DENND1A: variants seen among roughly 807,000 people sequenced by gnomAD.
DENND1A encodes DENN domain-containing protein 1A.
A neutral mutation model predicts 113.7 loss-of-function variants in DENND1A; 51 were observed. The ratio of observed to expected loss-of-function variants is 0.45; its 90% CI spans 0.36 to 0.57. DENND1A has a LOEUF of 0.57. DENND1A is among the 20% of genes least tolerant of loss of function. DENND1A has a pLI of 0.00. For missense variants in DENND1A, 1,258 were observed against 1,395.9 expected (o/e 0.90, Z 1.57); for synonymous variants, 565 against 570.8 (o/e 0.99, Z 0.14).
chr9:123,903,676 C>T (rs532179112), intron 1 of DENND1A, among the ~76,000 whole-genome samples: 98 of 152,296 alleles, frequency 6.4e-4, no homozygotes, highest in Admixed American at 5.1e-3. Flanking sequence ...GCTTAAAAAA[C>T]GGCGCACCAC....
intron 5 of DENND1A, among the ~76,000 whole-genome samples, chr9:123,756,933 T>C (rs1464077331): frequency 1.3e-5 from 2 of 152,152 alleles, no homozygotes; most frequent in Admixed American, 6.5e-5. Context: ...CTGTTCCACA[T>C]GAGCAGAGAG....
intron 5 of DENND1A, among the ~76,000 whole-genome samples, chr9:123,728,399 CCCAGGA>C (rs2067870856): frequency 6.8e-6 from 1 of 146,456 alleles, no homozygotes; most frequent in African/African-American, 2.6e-5. Context: ...ACTGCTTGAA[CCCAGGA>C]GGCAGAGGTT....
chr9:123,401,867 G>A (rs771813359), intron 21 of DENND1A: 1 of 1,614,216 alleles, frequency 6.2e-7, no homozygotes, highest in Non-Finnish European at 8.5e-7. Context: ...AATGGGTAAT[G>A]CTTTTCTGTA....
chr9:123,424,798 G>T (rs2045587634), intron 19 of DENND1A, among the ~76,000 whole-genome samples: 1 of 152,274 alleles, frequency 6.6e-6, no homozygotes, highest in African/African-American at 2.4e-5. Context: ...TTAGAGGGCT[G>T]TTGAGAACAT....
At chr9:123,724,620 G>C (rs2067570945) in intron 5 of DENND1A, among the ~76,000 whole-genome samples, 2 of 152,106 alleles carry the variant, frequency 1.3e-5, no homozygotes, top group African/African-American at 4.8e-5. Context: ...TGGACTTGAG[G>C]TCTGAGCATC....
intron 21 of DENND1A, among the ~76,000 whole-genome samples, chr9:123,394,683 C>T (rs1019245458): frequency 1.2e-4 from 18 of 152,272 alleles, no homozygotes; most frequent in African/African-American, 1.9e-4. Context: ...AGCCCTTCCA[C>T]GACCACTGGC....
intron 2 of DENND1A, among the ~76,000 whole-genome samples, chr9:123,839,115 G>C (rs1364954973): frequency 2.0e-5 from 3 of 152,210 alleles, no homozygotes; most frequent in Non-Finnish European, 2.9e-5. Context: ...CAGACAAAAA[G>C]TGTCTGTTAA....
rs1169264278 is a variant in DENND1A, at chr9:123,659,273, A to G, written c.508-7150T>C. Among the ~76,000 whole-genome samples the G allele has an allele frequency of 2.6e-5, 4 of 152,350 alleles. No individual in the cohort carries two copies. The East Asian group carries it at 5.8e-4, about 22-fold the overall frequency. On this transcript the variant is annotated intron_variant, in intron 8 of 23. Transcript: ENST00000394215. Reference sequence around the variant, plus strand: ...TTATGTTCCTTAGAGGAGATAATCAATAAATATTTACAAACCATCTATATT... The same window carrying G: ...TTATGTTCCTTAGAGGAGATAATCAGTAAATATTTACAAACCATCTATATT...
chr9:123,710,099 G>A (rs2066481042), intron 5 of DENND1A, among the ~76,000 whole-genome samples: 1 of 152,160 alleles, frequency 6.6e-6, no homozygotes, highest in Admixed American at 6.5e-5. Context: ...CTCACATCAT[G>A]ATGACGTCCA....
chr9:123,563,129 T>C (rs996183022), intron 12 of DENND1A, among the ~76,000 whole-genome samples: 3 of 152,152 alleles, frequency 2.0e-5, no homozygotes, highest in Non-Finnish European at 2.9e-5. Context: ...TAGAATGCCA[T>C]TGCTAAGACA....
At position 123,381,695 on chromosome 9, in the gene DENND1A, T is replaced by C; in HGVS notation, c.2950A>G (p.Thr984Ala). 1 of 1,568,244 alleles carries C rather than the reference T, an allele frequency of 6.4e-7. No homozygotes were observed. Among genetic ancestry groups the C allele is most frequent in the South Asian group, 1.2e-5 (1 of 86,566 alleles). The change falls in exon 24 of 24, where the codon ACG (threonine) becomes GCG (alanine). Residue 984 changes from threonine (T) to alanine (A), a missense_variant. This residue lies in a region of DENND1A where 1,159 missense variants were observed against 1,231.7 expected (regional missense o/e 0.94). Transcript: ENST00000394215. The surrounding 1 kb of genome is among the most constrained non-coding windows in gnomAD (Gnocchi z 4.7). Reference sequence around the variant, plus strand: ...GCACTTGAGCGGGCCAGGGGCAACGTTCGGATCCTCGACGGGGCAACTGCT... The same window carrying C: ...GCACTTGAGCGGGCCAGGGGCAACGCTCGGATCCTCGACGGGGCAACTGCT... Reference protein sequence around the residue: ...PPAVAPSRIRTLPLARSSARA... With the variant: ...PPAVAPSRIRALPLARSSARA...
chr9:123,728,838 G>A (rs1053370818), intron 5 of DENND1A, among the ~76,000 whole-genome samples: 7 of 152,020 alleles, frequency 4.6e-5, no homozygotes, highest in African/African-American at 1.2e-4. Flanking sequence ...GGCCAATATC[G>A]CTGATGAACA....
chr9:123,583,592 G>T (rs1343985494), intron 11 of DENND1A, among the ~76,000 whole-genome samples: 2 of 152,150 alleles, frequency 1.3e-5, no homozygotes, highest in African/African-American at 4.8e-5. Flanking sequence ...ATATTTAACA[G>T]ACGCTGAGGT....
rs556901348 is a variant in DENND1A at position 123,616,573 on chromosome 9, A to G, written c.720-7092T>C. On this transcript the variant is annotated intron_variant, in intron 10 of 23. Transcript: ENST00000394215. ...ATGAAAAGAAATAGGAGCTAAGGGG[A>G]AAAAAAAAGGAAGCTGTGGCAAGGT... Among the ~76,000 whole-genome samples the G allele has an allele frequency of 3.2e-4, 48 of 151,658 alleles. 1 individual carries two copies. Among genetic ancestry groups the G allele is most frequent in the African/African-American group, 4.6e-4 (19 of 41,360 alleles).
chr9:123,535,102 A>G (rs1286160568), intron 13 of DENND1A, among the ~76,000 whole-genome samples: 1 of 152,074 alleles, frequency 6.6e-6, no homozygotes, highest in East Asian at 1.9e-4. Context: ...ACCACTTCTC[A>G]CCATTTCCAC....
At chr9:123,669,749 AT>A (rs144553116) in intron 7 of DENND1A, among the ~76,000 whole-genome samples, 11 of 152,132 alleles carry the variant, frequency 7.2e-5, no homozygotes, top group Admixed American at 2.6e-4. Flanking sequence ...TTTAAAGCTC[AT>A]TTTTTCATCT....
chr9:123,685,090 ATGTGAAATGGG>A (rs2064724738), intron 5 of DENND1A, among the ~76,000 whole-genome samples: 1 of 152,214 alleles, frequency 6.6e-6, no homozygotes, highest in Non-Finnish European at 1.5e-5. Flanking sequence ...CCTTCCCTAC[ATGTGAAATGGG>A]AATATCTACC....
chr9:123,760,311 C>T (rs1292360168), intron 4 of DENND1A, among the ~76,000 whole-genome samples: 1 of 152,180 alleles, frequency 6.6e-6, no homozygotes, highest in Non-Finnish European at 1.5e-5. Context: ...CTCCCTTATA[C>T]AGCCACATAA....
intron 3 of DENND1A, among the ~76,000 whole-genome samples, chr9:123,785,088 C>G (rs1157038743): frequency 6.6e-6 from 1 of 152,056 alleles, no homozygotes; most frequent in Non-Finnish European, 1.5e-5. Context: ...GCATGGAATC[C>G]CAGCACTTTG....
Sources: gnomAD v4.1 joint callset for allele counts (sites outside exome capture counted in the v4.1 genomes callset) on GRCh38, gnomAD v4.1.1 for gene constraint, gnomAD v4.1.1 regional missense constraint, Gnocchi (gnomAD v3.1) non-coding constraint, MANE v1.5 for transcripts, NCBI Gene and HGNC (gene_info 2026-07-23, HGNC 2026-07-21) for gene names.